Variants in HMCN1 observed in about 807,000 individuals in gnomAD.
HMCN1 encodes hemicentin-1.
Under a neutral mutation model 625.9 loss-of-function variants are expected in HMCN1, and 321 were observed. The observed-to-expected ratio is 0.51, with a 90% CI of 0.47 to 0.56. The LOEUF (loss-of-function observed/expected upper bound fraction) is 0.56, where lower values mean the gene tolerates loss of function less well. Among genes scored for constraint, HMCN1 ranks in the 20% least tolerant of loss-of-function variants. The pLI is 0.00. For missense variants in HMCN1, 6,588 were observed against 6,887.3 expected (o/e 0.96, Z 1.54); for synonymous variants, 2,425 against 2,417.6 (o/e 1.00, Z -0.09).
At chr1:185,977,246 C>CA (rs1386906462) in intron 15 of HMCN1, among the ~76,000 whole-genome samples, 2 of 151,750 alleles carry the variant, frequency 1.3e-5, no homozygotes, top group Non-Finnish European at 2.9e-5. Flanking sequence ...TTCTCTAATT[C>CA]AAAAATGTGA....
intron 81 of HMCN1, among the ~76,000 whole-genome samples, chr1:186,125,155 A>G (rs1343089807): frequency 6.6e-6 from 1 of 152,108 alleles, no homozygotes; most frequent in Non-Finnish European, 1.5e-5. Context: ...ACTTTGTGAT[A>G]TTCAGTATTG....
intron 89 of HMCN1, among the ~76,000 whole-genome samples, chr1:186,142,083 G>A (rs1049755036): frequency 2.0e-5 from 3 of 152,160 alleles, no homozygotes; most frequent in African/African-American, 4.8e-5. Context: ...GGGGTTTGAT[G>A]TACAGATTAT....
At chr1:185,887,692 T>C (rs1460620998) in intron 4 of HMCN1, among the ~76,000 whole-genome samples, 3 of 143,876 alleles carry the variant, frequency 2.1e-5, no homozygotes, top group African/African-American at 8.4e-5. Flanking sequence ...CACATTTTCT[T>C]AATCCAGTCT....
intron 68 of HMCN1, among the ~76,000 whole-genome samples, chr1:186,097,438 G>A (rs376370486): frequency 6.6e-6 from 1 of 151,638 alleles, no homozygotes; most frequent in Non-Finnish European, 1.5e-5. Context: ...AGCATCTGCA[G>A]ATTTTGGTAT....
chr1:185,962,622 T>C lies in HMCN1; in HGVS notation c.1933T>C (p.Trp645Arg), dbSNP rs1267298540. Residue 645 changes from tryptophan to arginine, a missense_variant, in exon 12 of 107, where the codon TGG becomes CGG. By Grantham distance (101) the Trp-to-Arg change is moderately radical. Transcript: ENST00000271588. Reference sequence around the variant, plus strand: ...AGGTTATCCCAAACCAAAGATTGCCTGGACCGTTAACGATATGTTTATCGT... The same window carrying C: ...AGGTTATCCCAAACCAAAGATTGCCCGGACCGTTAACGATATGTTTATCGT... ...ATGYPKPKIA[W>R]TVNDMFIVGS... is the part of the protein sequence containing the mutation. The C allele has an allele frequency of 1.3e-6, 2 of 1,591,346 alleles. No homozygotes were observed. Among genetic ancestry groups the C allele is most frequent in the Non-Finnish European group, 1.7e-6 (2 of 1,159,352 alleles).
intron 7 of HMCN1, 151 bp from the exon 8 acceptor site, chr1:185,923,239 C>T (rs1667087519): frequency 3.0e-6 from 2 of 664,444 alleles, no homozygotes; most frequent in Non-Finnish European, 5.3e-6. Context: ...CATGCATAAA[C>T]TGTCTTTTAT....
Position 185,964,028 on chromosome 1 carries a change from T to G in HMCN1, c.2098+133T>G, listed in dbSNP as rs190337403. 1.6e-3 allele frequency: 1,227 copies of G among 766,380 alleles called. 1 individual carries two copies. The highest frequency in any genetic ancestry group is 2.4e-3 in the Non-Finnish European group (1,125 of 460,662). 47.5% of individuals were successfully genotyped at this position (766,380 alleles called of 1,614,324 possible). ...ATACTTTATTATTCATTTCACACACTGATTGAAGCAAATATTGTAACCAAT... is the reference window on the plus strand; with the variant it reads ...ATACTTTATTATTCATTTCACACACGGATTGAAGCAAATATTGTAACCAAT... On this transcript the variant is annotated intron_variant, in intron 13 of 106. Transcript: ENST00000271588.
rs558160320 is a variant in HMCN1 at position 185,829,421 on chromosome 1, C to G, written c.269-16605C>G. Among the ~76,000 whole-genome samples, 4 of 152,244 alleles carry G rather than the reference C, an allele frequency of 2.6e-5. No individual in the cohort carries two copies. The East Asian group carries it at 5.8e-4, about 22-fold the overall frequency. On this transcript the variant is annotated intron_variant, in intron 1 of 106. Coordinates refer to ENST00000271588, the MANE Select transcript of HMCN1 (RefSeq NM_031935.3). ...GTTCGCTCCCCTCACCCCTTACCCC[C>G]CAACAGGCTGTGGGGTGTGTCATTC...
chr1:185,767,308 G>A (rs1402327842), intron 1 of HMCN1, among the ~76,000 whole-genome samples: 1 of 152,142 alleles, frequency 6.6e-6, no homozygotes, highest in Non-Finnish European at 1.5e-5. Context: ...ATTGAGCAAA[G>A]GCATGATATT....
At chr1:186,020,390 G>A (rs1416463002) in intron 35 of HMCN1, among the ~76,000 whole-genome samples, 2 of 151,984 alleles carry the variant, frequency 1.3e-5, no homozygotes, top group Non-Finnish European at 2.9e-5. Flanking sequence ...GTTCCCTAAT[G>A]AGAGATATGT....
chr1:185,970,613 A>G, intron 15 of HMCN1, 120 bp downstream of exon 15: 1 of 831,652 alleles, frequency 1.2e-6, no homozygotes. Flanking sequence ...TAGAGGGTGC[A>G]TTTCAGATTA....
At chr1:186,044,360 T>C (rs1656408649) in intron 40 of HMCN1, among the ~76,000 whole-genome samples, 1 of 152,136 alleles carries the variant, frequency 6.6e-6, no homozygotes, top group Admixed American at 6.6e-5. Context: ...TTTCTTCCTT[T>C]AGCATCAATT....
chr1:186,075,365 T>A (rs1181500711), intron 53 of HMCN1, among the ~76,000 whole-genome samples: 1 of 151,574 alleles, frequency 6.6e-6, no homozygotes, highest in African/African-American at 2.4e-5. Flanking sequence ...CCCATAAACA[T>A]AAAATGAAAG....
chr1:186,009,644 T>C (rs1049148286), intron 30 of HMCN1, among the ~76,000 whole-genome samples: 5 of 151,942 alleles, frequency 3.3e-5, no homozygotes, highest in African/African-American at 9.7e-5. Flanking sequence ...TTAAAAGGTA[T>C]AAATGAACAT....
chr1:186,178,367 G>A (rs1457052930), intron 103 of HMCN1, 49 bp from the exon 104 acceptor site: 7 of 1,274,000 alleles, frequency 5.5e-6, no homozygotes, highest in Non-Finnish European at 8.0e-6. Flanking sequence ...TTTTGTGTGT[G>A]TATGTATGTG....
Position 186,090,752 on chromosome 1 carries a change from C to G in HMCN1, c.9728-6C>G. 2 of 1,611,912 alleles carry G rather than the reference C, an allele frequency of 1.2e-6. No individual in the cohort carries two copies. The highest frequency in any genetic ancestry group is 1.7e-6 in the Non-Finnish European group (2 of 1,178,614). The stretch of plus-strand genomic sequence containing the variant: ...GTTAATGAAATTCCTAATTATTTCT[C>G]CAAAGTTCCTCCAAGTGTTGCTGGT... On this transcript the variant is annotated splice_region_variant and splice_polypyrimidine_tract_variant and intron_variant, in intron 63 of 106. Transcript: ENST00000271588.
intron 2 of HMCN1, among the ~76,000 whole-genome samples, chr1:185,847,998 A>T (rs184911900): frequency 1.3e-5 from 2 of 152,186 alleles, no homozygotes; most frequent in Admixed American, 1.3e-4. Context: ...TTAAATATGT[A>T]TGTTCAAGTC....
At chr1:185,749,008 G>C (rs1347614367) in intron 1 of HMCN1, among the ~76,000 whole-genome samples, 3 of 152,150 alleles carry the variant, frequency 2.0e-5, no homozygotes, top group Non-Finnish European at 2.9e-5. Context: ...TAAATCTCTG[G>C]CTCTGGAGCT....
intron 11 of HMCN1, among the ~76,000 whole-genome samples, chr1:185,934,960 G>T (rs1049427261): frequency 5.9e-5 from 9 of 152,078 alleles, no homozygotes; most frequent in Non-Finnish European, 1.2e-4. Context: ...TGTGTCTTTT[G>T]TTAGTTGATC....
Sources: gnomAD v4.1 joint callset for allele counts (sites outside exome capture counted in the v4.1 genomes callset) on GRCh38, gnomAD v4.1.1 for gene constraint, MANE v1.5 for transcripts, NCBI Gene and HGNC (gene_info 2026-07-23, HGNC 2026-07-21) for gene names.